The following SLC7A9 variants were observed in gnomAD, a reference collection of about 807,000 sequenced individuals.
SLC7A9 encodes B(0,+)-type amino acid transporter 1.
Under a neutral mutation model 54.1 loss-of-function variants are expected in SLC7A9, and 38 were observed. That is an observed-to-expected ratio of 0.70 (90% CI 0.54 to 0.92). The LOEUF is 0.92. SLC7A9 is among the 40% of genes least tolerant of loss of function. The pLI is 0.00. For missense variants in SLC7A9, 537 were observed against 636.1 expected (o/e 0.84, Z 1.68); for synonymous variants, 264 against 258.9 (o/e 1.02, Z -0.19).
chr19:32,848,987 G>A lies in SLC7A9; in HGVS notation c.978-5036C>T, dbSNP rs964525234. Reference sequence around the variant, plus strand: ...AATAAAGATGTTCTTTGAAACCAACGAGAACAAAGACACAACATACCAGAA... The same window carrying A: ...AATAAAGATGTTCTTTGAAACCAACAAGAACAAAGACACAACATACCAGAA... On this transcript the variant is annotated intron_variant, in intron 9 of 12. Coordinates refer to ENST00000023064, the MANE Select transcript of SLC7A9 (RefSeq NM_014270.5). 1.6e-4 allele frequency among the ~76,000 whole-genome samples: 25 copies of A among 152,064 alleles called. No homozygotes were observed. In the East Asian group the frequency reaches 4.2e-3, roughly 26 times the overall value.
At chr19:32,860,582 C>A (rs1228524520) in intron 7 of SLC7A9, 24 bp downstream of exon 7, 29 of 1,614,004 alleles carry the variant, frequency 1.8e-5, no homozygotes, top group Middle Eastern at 1.6e-4. Flanking sequence ...CGGCTACTGT[C>A]CTCTGCACTG....
chr19:32,830,715 A>AGTT, intron 12 of SLC7A9, 31 bp from the exon 13 acceptor site: 1 of 1,579,478 alleles, frequency 6.3e-7, no homozygotes. Flanking sequence ...GAGTACAGTT[A>AGTT]GTTAGACTGA....
chr19:32,856,413 C>T lies in SLC7A9; in HGVS notation c.977+2027G>A, dbSNP rs565133296. ...GTTTCACCATGTTAGGCAAGATGGT[C>T]TCGATCTCCTGACCTCGTGATCTGC... On this transcript the variant is annotated intron_variant, in intron 9 of 12. Transcript: ENST00000023064. 5.6e-4 allele frequency among the ~76,000 whole-genome samples: 85 copies of T among 152,248 alleles called. 1 individual carries two copies. The highest frequency in any genetic ancestry group is 2.0e-3 in the African/African-American group (83 of 41,550).
At chr19:32,836,585 G>A (rs1005654430) in intron 11 of SLC7A9, among the ~76,000 whole-genome samples, 5 of 152,058 alleles carry the variant, frequency 3.3e-5, no homozygotes, top group South Asian at 4.1e-4. Context: ...AGGTATACTC[G>A]CTGTTGCTGG....
At chr19:32,858,574 G>A in intron 8 of SLC7A9, 31 bp from the exon 9 acceptor site, 1 of 1,556,428 alleles carries the variant, frequency 6.4e-7, no homozygotes, top group Non-Finnish European at 8.8e-7. Context: ...AGTCCTGAGG[G>A]TCTTTCTTGG....
chr19:32,839,326 G>T (rs890837924), intron 11 of SLC7A9, among the ~76,000 whole-genome samples: 3 of 152,090 alleles, frequency 2.0e-5, no homozygotes, highest in Admixed American at 1.3e-4. Context: ...AGGCTGAAGT[G>T]GGTGGATCAC....
intron 9 of SLC7A9, among the ~76,000 whole-genome samples, chr19:32,855,458 G>T (rs1383521585): frequency 2.6e-5 from 4 of 152,186 alleles, no homozygotes; most frequent in Non-Finnish European, 5.9e-5. Context: ...CCAGCACTTT[G>T]GGAGGCCAAG....
intron 11 of SLC7A9, among the ~76,000 whole-genome samples, chr19:32,838,061 G>A (rs1968014868): frequency 6.6e-6 from 1 of 152,208 alleles, no homozygotes; most frequent in African/African-American, 2.4e-5. Context: ...CAGGACAGGT[G>A]AGGACGCCGT....
intron 4 of SLC7A9, 25 bp downstream of exon 4, chr19:32,864,071 C>T (rs1039995734): frequency 6.2e-6 from 10 of 1,613,420 alleles, no homozygotes; most frequent in Non-Finnish European, 8.5e-6. Context: ...CTTTTCTGAC[C>T]CCTGCCCTGG....
At chr19:32,837,492 CAAAAAAAAAAAA>C (rs57648590) in intron 11 of SLC7A9, among the ~76,000 whole-genome samples, 46 of 54,554 alleles carry the variant, frequency 8.4e-4, no homozygotes, top group African/African-American at 2.3e-3. Flanking sequence ...GATTCCATCT[CAAAAAAAAAAAA>C]AAAAAAAAAA....
rs56119122 is a variant in SLC7A9 at position 32,852,905 on chromosome 19, CTTTTTT to C, written c.977+5529_977+5534del. On this transcript the variant is annotated intron_variant, in intron 9 of 12. Coordinates refer to ENST00000023064, the MANE Select transcript of SLC7A9 (RefSeq NM_014270.5). ...GATTTTACAAGACCAAAGCTATAAA[CTTTTTT>C]TTTTTTTTTTTTTTTTTTGAGAGAC... 3.1e-5 allele frequency among the ~76,000 whole-genome samples: 3 copies of C among 97,582 alleles called. 1 individual carries two copies. The highest frequency in any genetic ancestry group is 1.2e-4 in the Admixed American group (1 of 8,558). The allele number at this position is 97,582 out of a possible 152,430, so 64.0% of individuals were successfully genotyped here. A position where few individuals can be genotyped will look rare whatever the true frequency, so the allele number is the denominator to read the frequency against.
intron 9 of SLC7A9, among the ~76,000 whole-genome samples, chr19:32,854,081 C>T (rs1311383897): frequency 6.6e-6 from 1 of 151,290 alleles, no homozygotes; most frequent in Non-Finnish European, 1.5e-5. Flanking sequence ...GGTGCAATCT[C>T]AGCTCACTGC....
At position 32,859,962 on chromosome 19, in the gene SLC7A9, T is replaced by C; in HGVS notation, c.752A>G (p.Asn251Ser). The C allele has an allele frequency of 6.2e-7, 1 of 1,613,848 alleles. No homozygotes were observed. Among genetic ancestry groups the C allele is most frequent in the Non-Finnish European group, 8.5e-7 (1 of 1,179,940 alleles). Residue 251 changes from asparagine to serine, a missense_variant and splice_region_variant, in exon 8 of 13, where the codon AAC becomes AGC. Coordinates refer to ENST00000023064, the MANE Select transcript of SLC7A9 (RefSeq NM_014270.5). ...ITEELRNPYR[N>S]LPLAIIIGIP... Reference sequence around the variant, plus strand: ...CCCGATGATAATGGCCAAAGGCAGGTTTCTGGGAGGGGCAATGACACGGAG... The same window carrying C: ...CCCGATGATAATGGCCAAAGGCAGGCTTCTGGGAGGGGCAATGACACGGAG...
chr19:32,863,084 C>T (rs1968854154), intron 4 of SLC7A9: 1 of 152,154 alleles, frequency 6.6e-6, no homozygotes, highest in South Asian at 2.1e-4. Flanking sequence ...CCAGATCGCC[C>T]TCATATCCAA....
chr19:32,862,472 A>G lies in SLC7A9; in HGVS notation c.593T>C (p.Leu198Pro). The G allele has an allele frequency of 6.2e-7, 1 of 1,612,990 alleles. No homozygotes were observed. The highest frequency in any genetic ancestry group is 8.5e-7 in the Non-Finnish European group (1 of 1,180,010). ...CTCCCGTGGGTCACCTTGGGCCAGG[A>G]GCACCAGCCCGCTGATGATGATGAT... ...VAIIIISGLV[L>P]LAQGNTKNFD... The change falls in exon 5 of 13, where the codon CTC becomes CCC. Residue 198 changes from leucine (L) to proline (P), a missense_variant. Physicochemically the swap from Leu to Pro is moderately conservative, Grantham distance 98. Coordinates refer to ENST00000023064, the MANE Select transcript of SLC7A9 (RefSeq NM_014270.5).
chr19:32,858,894 T>C (rs1013459519), intron 8 of SLC7A9, among the ~76,000 whole-genome samples: 2 of 151,992 alleles, frequency 1.3e-5, no homozygotes, highest in African/African-American at 4.8e-5. Flanking sequence ...GGTCAAGCGA[T>C]GCTCGTGCCT....
chr19:32,867,743 G>A (rs1969013984), intron 2 of SLC7A9, among the ~76,000 whole-genome samples: 1 of 151,584 alleles, frequency 6.6e-6, no homozygotes, highest in Non-Finnish European at 1.5e-5. Flanking sequence ...CCAGGAATTG[G>A]AGACCAGCCT....
chr19:32,864,778 T>C lies in SLC7A9; in HGVS notation c.88-2A>G, dbSNP rs1085307095. 1.9e-6 allele frequency: 3 copies of C among 1,614,122 alleles called. No individual in the cohort carries two copies. In the East Asian group the frequency reaches 6.7e-5, roughly 36 times the overall value. ...GGAGATGCCACTGATGAGGCCCAGC[T>C]GGGTGTGGAGGAAGGAAGAGGGCGT... On this transcript the variant is annotated splice_acceptor_variant, in intron 2 of 12. Coordinates refer to ENST00000023064, the MANE Select transcript of SLC7A9 (RefSeq NM_014270.5). LOFTEE classifies it high-confidence loss of function.
Position 32,862,605 on chromosome 19 carries a change from T to A in SLC7A9, c.479-19A>T. The A allele has an allele frequency of 6.2e-7, 1 of 1,613,340 alleles. No individual in the cohort carries two copies. The highest frequency in any genetic ancestry group is 1.1e-5 in the South Asian group (1 of 91,056). ...ATGAACACTGGAAGGGTGGGGACAG[T>A]TTCTGCATTTATGGTTTTCAGCAAA... On this transcript the variant is annotated intron_variant, in intron 4 of 12. Coordinates refer to ENST00000023064, the MANE Select transcript of SLC7A9 (RefSeq NM_014270.5).
Sources: allele counts gnomAD v4.1 joint callset (sites outside exome capture counted in the v4.1 genomes callset), GRCh38; gene constraint gnomAD v4.1.1; transcripts MANE v1.5; gene names NCBI Gene and HGNC (gene_info 2026-07-23, HGNC 2026-07-21).